The following CCDC60 variants were observed in gnomAD, a reference collection of about 807,000 sequenced individuals.
CCDC60 encodes the protein coiled-coil domain containing 60.
A neutral mutation model predicts 63.5 loss-of-function variants in CCDC60; 54 were observed. The observed-to-expected ratio is 0.85, with a 90% confidence interval of 0.68 to 1.07. The LOEUF (loss-of-function observed/expected upper bound fraction) is 1.07. CCDC60 is among the 50% of genes least tolerant of loss of function. The pLI, the probability that CCDC60 is intolerant of heterozygous loss-of-function variation, is 0.00. For missense variants in CCDC60, 651 were observed against 684.3 expected, an observed-to-expected ratio of 0.95 and a Z score of 0.54; for synonymous variants, 206 against 238.8, an observed-to-expected ratio of 0.86 and a Z score of 1.27.
intron 1 of CCDC60, among the ~76,000 whole-genome samples, chr12:119,339,643 A>G (rs1217542782): frequency 2.0e-5 from 3 of 152,108 alleles, no homozygotes; most frequent in African/African-American, 4.8e-5. Context: ...AAACAGAACA[A>G]AACAAAACAA....
intron 2 of CCDC60, among the ~76,000 whole-genome samples, chr12:119,446,626 CAGAG>C (rs1227934941): frequency 6.6e-6 from 1 of 152,042 alleles, no homozygotes; most frequent in African/African-American, 2.4e-5. Flanking sequence ...GGACGGGAGA[CAGAG>C]AGAATGAATC....
intron 5 of CCDC60, among the ~76,000 whole-genome samples, chr12:119,491,139 C>G (rs1250201009): frequency 6.6e-6 from 1 of 152,042 alleles, no homozygotes; most frequent in Admixed American, 6.5e-5. Flanking sequence ...TTACAATAAC[C>G]AATAGGCATC....
chr12:119,518,757 C>A (rs139226195), intron 8 of CCDC60, among the ~76,000 whole-genome samples: 52 of 152,084 alleles, frequency 3.4e-4, no homozygotes, highest in Non-Finnish European at 5.4e-4. Context: ...TTTTATCTCA[C>A]ACATGTTGCC....
chr12:119,439,065 G>A (rs1426384943), intron 2 of CCDC60, among the ~76,000 whole-genome samples: 4 of 140,254 alleles, frequency 2.9e-5, no homozygotes, highest in African/African-American at 1.1e-4. Context: ...CCTGGACCAT[G>A]AGAATACATG....
chr12:119,478,716 T>C (rs1398227300), intron 3 of CCDC60, among the ~76,000 whole-genome samples: 1 of 149,330 alleles, frequency 6.7e-6, no homozygotes, highest in East Asian at 2.1e-4. Flanking sequence ...CAAGAGATTC[T>C]CCTGCCTCAG....
intron 2 of CCDC60, among the ~76,000 whole-genome samples, chr12:119,431,144 A>G (rs1173721636): frequency 6.6e-6 from 1 of 152,222 alleles, no homozygotes; most frequent in Non-Finnish European, 1.5e-5. Flanking sequence ...CTGCCTAGAC[A>G]GAGCCAATTT....
At chr12:119,346,970 G>T (rs766034792) in intron 1 of CCDC60, among the ~76,000 whole-genome samples, 4 of 151,680 alleles carry the variant, frequency 2.6e-5, no homozygotes, top group Non-Finnish European at 5.9e-5. Context: ...GGTTACAGGC[G>T]TGCCCCACCA....
intron 5 of CCDC60, among the ~76,000 whole-genome samples, chr12:119,497,663 G>A (rs181945741): frequency 1.3e-5 from 2 of 152,082 alleles, no homozygotes; most frequent in East Asian, 1.9e-4. Flanking sequence ...TTTGAACTTC[G>A]AGAAGAAGGC....
At chr12:119,491,869 C>T (rs1775797644) in intron 5 of CCDC60, among the ~76,000 whole-genome samples, 1 of 152,128 alleles carries the variant, frequency 6.6e-6, no homozygotes. Context: ...GAGAAAAGAA[C>T]ATCATGTGGA....
At chr12:119,365,580 A>C (rs572522582) in intron 1 of CCDC60, among the ~76,000 whole-genome samples, 1 of 152,320 alleles carries the variant, frequency 6.6e-6, no homozygotes, top group African/African-American at 2.4e-5. Context: ...GATCAGAGAA[A>C]TACCAAGAGG....
At chr12:119,482,101 C>T (rs1268069611) in intron 4 of CCDC60, among the ~76,000 whole-genome samples, 3 of 142,426 alleles carry the variant, frequency 2.1e-5, no homozygotes, top group African/African-American at 5.3e-5. Flanking sequence ...TATATATACA[C>T]ATATATACAC....
rs552989697 is a variant in CCDC60, at chr12:119,381,453, G to A, written c.90+46187G>A. Among the ~76,000 whole-genome samples the A allele has an allele frequency of 1.1e-3, 174 of 152,290 alleles. 1 individual carries two copies. Among genetic ancestry groups the A allele is most frequent in the African/African-American group, 3.9e-3 (162 of 41,568 alleles). ...TGGAGTCTGTGGTTGCCAAGCAAAC[G>A]TGGCAGGATAATTTGTTTCTGTGCC... On this transcript the variant is annotated intron_variant, in intron 1 of 13. Coordinates refer to ENST00000327554, the MANE Select transcript of CCDC60 (RefSeq NM_178499.5).
chr12:119,474,243 G>T (rs1395141911), intron 3 of CCDC60, among the ~76,000 whole-genome samples: 2 of 152,216 alleles, frequency 1.3e-5, no homozygotes. Context: ...CGAATCCAGT[G>T]TGAAGCCACA....
rs1360980525 is a variant in CCDC60, at chr12:119,335,242, T to C, written c.66T>C (p.Phe22=). The C allele has an allele frequency of 1.2e-6, 2 of 1,604,524 alleles. No homozygotes were observed. The highest frequency in any genetic ancestry group is 1.7e-6 in the Non-Finnish European group (2 of 1,176,046). Reference sequence around the variant, plus strand: ...CCAACTCGGGGGCTGTCCGGCCCTTTTATGCCTCGGAGAACCTAAGGCAGG... The same window carrying C: ...CCAACTCGGGGGCTGTCCGGCCCTTCTATGCCTCGGAGAACCTAAGGCAGG... ...SSPNSGAVRP[F]YASENLRQVP... is the part of the protein sequence containing the mutation. Residue 22 remains phenylalanine (F), a synonymous_variant, in exon 1 of 14, where the codon TTT becomes TTC. Transcript: ENST00000327554.
At chr12:119,411,465 C>G (rs1392785525) in intron 1 of CCDC60, among the ~76,000 whole-genome samples, 1 of 152,130 alleles carries the variant, frequency 6.6e-6, no homozygotes, top group Non-Finnish European at 1.5e-5. Flanking sequence ...CGAGATCACA[C>G]CACTGGACTC....
At chr12:119,504,985 ACCTTCCT>A in intron 6 of CCDC60, 77 bp from the exon 7 acceptor site, 1 of 977,790 alleles carries the variant, frequency 1.0e-6, no homozygotes, top group Non-Finnish European at 1.5e-6. Context: ...GTCCCTCCCC[ACCTTCCT>A]CCTTCCCTCC....
intron 1 of CCDC60, among the ~76,000 whole-genome samples, chr12:119,371,221 C>T (rs1955894714): frequency 6.6e-6 from 1 of 152,084 alleles, no homozygotes; most frequent in African/African-American, 2.4e-5. Context: ...CAGATCATGA[C>T]ATTGTGTCTC....
In CCDC60 at chr12:119,488,730, C is replaced by T. The variant is rs117927809; in HGVS notation, c.450-29C>T. 10 of 1,592,578 alleles carry T rather than the reference C, an allele frequency of 6.3e-6. No homozygotes were observed. In the East Asian group the frequency reaches 2.2e-4, roughly 36 times the overall value. On this transcript the variant is annotated intron_variant, in intron 4 of 13. Transcript: ENST00000327554. ...GAAGAAAGTTGTTCTAACAGGATCC[C>T]ACTGTGTTCCCTCTCTCTGTCTTTG... is the stretch of plus-strand genomic sequence containing the variant.
In CCDC60 at chr12:119,482,920, C is replaced by A. The variant is rs139940433; in HGVS notation, c.449+3719C>A. Among the ~76,000 whole-genome samples the A allele has an allele frequency of 1.5e-3, 225 of 152,176 alleles. 2 individuals are homozygous for A. The highest frequency in any genetic ancestry group is 2.9e-3 in the Non-Finnish European group (194 of 68,008). On this transcript the variant is annotated intron_variant, in intron 4 of 13. Coordinates refer to ENST00000327554, the MANE Select transcript of CCDC60 (RefSeq NM_178499.5). ...GTGAGATGCTGAATGTCTCTCAATA[C>A]CCAGCAAGCAAACTCAGACTTGTTC...
Sources: gnomAD v4.1 joint callset for allele counts (sites outside exome capture counted in the v4.1 genomes callset) on GRCh38, gnomAD v4.1.1 for gene constraint, MANE v1.5 for transcripts, NCBI Gene and HGNC (gene_info 2026-07-23, HGNC 2026-07-21) for gene names.